Variants in CACNA2D3 observed in about 807,000 individuals in gnomAD.
CACNA2D3 encodes voltage-dependent calcium channel subunit alpha-2/delta-3.
Under a neutral mutation model 160.6 loss-of-function variants are expected in CACNA2D3, and 60 were observed. That is an observed-to-expected ratio of 0.37 (90% CI 0.30 to 0.46). The LOEUF is 0.46. Among genes scored for constraint, CACNA2D3 ranks in the 20% least tolerant of loss-of-function variants. The pLI, the probability that CACNA2D3 is intolerant of heterozygous loss-of-function variation, is 1.00. For synonymous variants in CACNA2D3, 558 were observed against 492.9 expected, an observed-to-expected ratio of 1.13 and a Z score of -1.75; for missense variants, 1,205 against 1,365.0, an observed-to-expected ratio of 0.88 and a Z score of 1.85.
At chr3:54,930,316 G>A (rs1242085604) in intron 27 of CACNA2D3, among the ~76,000 whole-genome samples, 3 of 152,118 alleles carry the variant, frequency 2.0e-5, no homozygotes, top group Non-Finnish European at 2.9e-5. Flanking sequence ...AGGGGGTTGG[G>A]TAAGATGATC....
chr3:54,290,043 C>A (rs1473589041), intron 2 of CACNA2D3, among the ~76,000 whole-genome samples: 8 of 150,896 alleles, frequency 5.3e-5, no homozygotes, highest in Admixed American at 6.6e-5. Context: ...GCAACAAAAG[C>A]CGAAATTGAC....
chr3:55,061,511 G>C (rs2107221100), intron 35 of CACNA2D3, among the ~76,000 whole-genome samples: 1 of 152,244 alleles, frequency 6.6e-6, no homozygotes, highest in Non-Finnish European at 1.5e-5. Flanking sequence ...AATGACAGAG[G>C]CTCAACTCAA....
At chr3:54,660,677 A>G (rs1431507934) in intron 11 of CACNA2D3, among the ~76,000 whole-genome samples, 8 of 152,112 alleles carry the variant, frequency 5.3e-5, no homozygotes, top group Non-Finnish European at 8.8e-5. Context: ...AATCATTTCC[A>G]TAAAAATATG....
intron 2 of CACNA2D3, among the ~76,000 whole-genome samples, chr3:54,124,290 G>T (rs1263148566): frequency 6.6e-6 from 1 of 152,060 alleles, no homozygotes; most frequent in Non-Finnish European, 1.5e-5. Flanking sequence ...ATTCAAATAG[G>T]CAGCATTTTA....
intron 5 of CACNA2D3, among the ~76,000 whole-genome samples, chr3:54,557,617 G>A (rs1196257961): frequency 6.6e-6 from 1 of 152,186 alleles, no homozygotes; most frequent in East Asian, 1.9e-4. Flanking sequence ...ACATAATTGA[G>A]CCCATTGTTG....
At chr3:54,736,098 TACA>T (rs1701515933) in intron 11 of CACNA2D3, among the ~76,000 whole-genome samples, 1 of 17,640 alleles carries the variant, frequency 5.7e-5, no homozygotes, top group Admixed American at 5.6e-4. Flanking sequence ...TGTATATATA[TACA>T]TATATATGTA....
At chr3:54,283,359 A>G (rs1702927505) in intron 2 of CACNA2D3, among the ~76,000 whole-genome samples, 1 of 152,240 alleles carries the variant, frequency 6.6e-6, no homozygotes, top group African/African-American at 2.4e-5. Context: ...TCCTCCCTCC[A>G]TGGATATCTC....
chr3:55,012,264 A>C (rs1035534843), intron 34 of CACNA2D3, among the ~76,000 whole-genome samples: 1 of 151,926 alleles, frequency 6.6e-6, no homozygotes, highest in Non-Finnish European at 1.5e-5. Context: ...CAAGTACTCC[A>C]TGCATGGTGG....
chr3:54,543,060 A>C (rs1044525221), intron 5 of CACNA2D3, among the ~76,000 whole-genome samples: 1 of 152,132 alleles, frequency 6.6e-6, no homozygotes. Context: ...TTTTCTCTTT[A>C]CATTTGTGAG....
intron 21 of CACNA2D3, among the ~76,000 whole-genome samples, chr3:54,881,543 C>T (rs959643434): frequency 6.6e-6 from 1 of 152,146 alleles, no homozygotes; most frequent in Non-Finnish European, 1.5e-5. Context: ...TTTCATCTGC[C>T]AGCTCCCTAG....
At chr3:54,973,555 G>A (rs762258835) in intron 29 of CACNA2D3, among the ~76,000 whole-genome samples, 1 of 152,172 alleles carries the variant, frequency 6.6e-6, no homozygotes, top group Non-Finnish European at 1.5e-5. Flanking sequence ...AGGCTTGTAG[G>A]CATTTCCTCT....
At chr3:54,969,681 T>C in intron 28 of CACNA2D3, 119 bp from the exon 29 acceptor site, 1 of 721,402 alleles carries the variant, frequency 1.4e-6, no homozygotes, top group Non-Finnish European at 2.4e-6. Flanking sequence ...ATTGGGTATT[T>C]GAATTCTAGC....
In CACNA2D3 at chr3:54,556,063, TA is replaced by T. The variant is rs1488315233; in HGVS notation, c.545-6733del. Among the ~76,000 whole-genome samples the T allele has an allele frequency of 2.0e-5, 3 of 152,172 alleles. No homozygotes were observed. In the East Asian group the frequency reaches 5.8e-4, roughly 29 times the overall value. ...CCTGCTCTTATTAAACTCAGATTTT[TA>T]AAAGAATACATACAAACCATGAGAT... On this transcript the variant is annotated intron_variant, in intron 5 of 37. Coordinates refer to ENST00000474759, the MANE Select transcript of CACNA2D3 (RefSeq NM_018398.3).
intron 4 of CACNA2D3, among the ~76,000 whole-genome samples, chr3:54,445,555 TACACACACAC>T (rs3028897): frequency 1.0e-3 from 153 of 147,224 alleles, no homozygotes; most frequent in Admixed American, 7.1e-3. Context: ...TTTCTATGTA[TACACACACAC>T]ACACACACAC....
intron 9 of CACNA2D3, among the ~76,000 whole-genome samples, chr3:54,627,116 T>A (rs1699136698): frequency 6.6e-6 from 1 of 152,238 alleles, no homozygotes; most frequent in Non-Finnish European, 1.5e-5. Flanking sequence ...TAGAGCTATC[T>A]ACTGAGCCCC....
chr3:54,298,949 A>G (rs78655939), intron 2 of CACNA2D3, among the ~76,000 whole-genome samples: 3 of 78,768 alleles, frequency 3.8e-5, no homozygotes, highest in Non-Finnish European at 8.4e-5. Context: ...TTTCTTAAAA[A>G]AAAAAAAAAA....
chr3:54,614,230 A>C (rs1698803981), intron 9 of CACNA2D3, among the ~76,000 whole-genome samples: 1 of 152,248 alleles, frequency 6.6e-6, no homozygotes. Flanking sequence ...CTTAGACCAG[A>C]GGACGTTGTA....
chr3:54,637,185 G>T (rs998142400), intron 10 of CACNA2D3, among the ~76,000 whole-genome samples: 1 of 151,940 alleles, frequency 6.6e-6, no homozygotes, highest in South Asian at 2.1e-4. Context: ...TGTAGCAGAC[G>T]AGTGATAACA....
intron 29 of CACNA2D3, among the ~76,000 whole-genome samples, chr3:54,978,278 C>T (rs923317253): frequency 2.0e-5 from 3 of 152,156 alleles, no homozygotes; most frequent in Non-Finnish European, 4.4e-5. Context: ...CTGGTTCAAA[C>T]ACCTCTAACA....
Sources: allele counts gnomAD v4.1 joint callset (sites outside exome capture counted in the v4.1 genomes callset), GRCh38; gene constraint gnomAD v4.1.1; transcripts MANE v1.5; gene names NCBI Gene and HGNC (gene_info 2026-07-23, HGNC 2026-07-21).